The following ASCC3 variants were observed in gnomAD, a reference collection of about 807,000 sequenced individuals.
ASCC3 encodes ASC-1 complex subunit P200.
Under a neutral mutation model 256.3 loss-of-function variants are expected in ASCC3, and 158 were observed. That is an observed-to-expected ratio of 0.62 (90% confidence interval 0.54 to 0.70). The LOEUF (loss-of-function observed/expected upper bound fraction) is 0.70. Among genes scored for constraint, ASCC3 ranks in the 30% least tolerant of loss-of-function variants. ASCC3 has a pLI of 0.00. For synonymous variants in ASCC3, 948 were observed against 883.4 expected, an observed-to-expected ratio of 1.07 and a Z score of -1.30; for missense variants, 2,259 against 2,626.0, an observed-to-expected ratio of 0.86 and a Z score of 3.05.
intron 5 of ASCC3, among the ~76,000 whole-genome samples, chr6:100,803,703 C>A (rs535645958): frequency 1.3e-5 from 2 of 152,198 alleles, no homozygotes; most frequent in South Asian, 4.1e-4. Flanking sequence ...CTCAAAGGAA[C>A]TTTAAGGCTC....
chr6:100,726,041 G>T (rs1485366414), intron 10 of ASCC3, among the ~76,000 whole-genome samples: 4 of 149,522 alleles, frequency 2.7e-5, no homozygotes, highest in Non-Finnish European at 4.4e-5. Flanking sequence ...AGCATATACT[G>T]ATAATGGTCT....
At chr6:100,566,998 G>GTA (rs1770289187) in intron 36 of ASCC3, among the ~76,000 whole-genome samples, 1 of 151,878 alleles carries the variant, frequency 6.6e-6, no homozygotes, top group South Asian at 2.1e-4. Context: ...ATCTAACTCT[G>GTA]TATCTCAACA....
intron 33 of ASCC3, among the ~76,000 whole-genome samples, chr6:100,603,375 C>T (rs1490013533): frequency 6.6e-6 from 1 of 151,996 alleles, no homozygotes; most frequent in Non-Finnish European, 1.5e-5. Flanking sequence ...TTGAAAGTGT[C>T]CCAGAAGCCC....
At chr6:100,572,125 T>C (rs1324637385) in intron 36 of ASCC3, among the ~76,000 whole-genome samples, 1 of 152,130 alleles carries the variant, frequency 6.6e-6, no homozygotes, top group Non-Finnish European at 1.5e-5. Flanking sequence ...CCCCCATTAA[T>C]ATGTTAAACC....
chr6:100,615,835 T>C (rs567389195), intron 30 of ASCC3, among the ~76,000 whole-genome samples: 2 of 152,342 alleles, frequency 1.3e-5, no homozygotes, highest in Non-Finnish European at 1.5e-5. Flanking sequence ...AGCAAATCTG[T>C]AGATAATGTC....
At chr6:100,874,336 C>T (rs1016082252) in intron 1 of ASCC3, among the ~76,000 whole-genome samples, 3 of 151,786 alleles carry the variant, frequency 2.0e-5, no homozygotes, top group South Asian at 4.2e-4. Flanking sequence ...CGTGGTGGTG[C>T]GCACCTGTAG....
intron 13 of ASCC3, among the ~76,000 whole-genome samples, chr6:100,709,730 T>C (rs2115012189): frequency 6.6e-6 from 1 of 152,264 alleles, no homozygotes; most frequent in African/African-American, 2.4e-5. Flanking sequence ...TATAATTTAG[T>C]AATGCAGTAT....
intron 2 of ASCC3, among the ~76,000 whole-genome samples, chr6:100,866,124 C>A (rs979999860): frequency 1.4e-4 from 21 of 152,036 alleles, no homozygotes; most frequent in Non-Finnish European, 2.9e-5. Context: ...CGCCCACCAC[C>A]ATGCGTGGCT....
At chr6:100,839,972 C>T (rs1207923770) in intron 4 of ASCC3, among the ~76,000 whole-genome samples, 2 of 152,190 alleles carry the variant, frequency 1.3e-5, no homozygotes, top group African/African-American at 2.4e-5. Flanking sequence ...AGATAAATTA[C>T]TTCAACTATG....
At chr6:100,687,034 T>TCTCTCTCACA (rs1459889611) in intron 13 of ASCC3, among the ~76,000 whole-genome samples, 1 of 130,564 alleles carries the variant, frequency 7.7e-6, no homozygotes, top group African/African-American at 2.9e-5. Context: ...TCTCTCTCTC[T>TCTCTCTCACA]CACACACACA....
At chr6:100,812,312 A>G (rs1159938494) in intron 4 of ASCC3, among the ~76,000 whole-genome samples, 1 of 152,168 alleles carries the variant, frequency 6.6e-6, no homozygotes, top group Non-Finnish European at 1.5e-5. Context: ...TACTAGAGGG[A>G]AAAAAGCAAG....
chr6:100,864,525 T>C (rs1302902428), intron 2 of ASCC3, among the ~76,000 whole-genome samples: 4 of 152,216 alleles, frequency 2.6e-5, no homozygotes, highest in Admixed American at 2.0e-4. Context: ...ATATTATTAT[T>C]GTTACTGATA....
chr6:100,834,039 C>T lies in ASCC3; in HGVS notation c.801+14109G>A, dbSNP rs1315828019. 3.3e-5 allele frequency among the ~76,000 whole-genome samples: 5 copies of T among 152,278 alleles called. No homozygotes were observed. The East Asian group carries it at 9.7e-4, about 29-fold the overall frequency. ...CGAGACAGCACCACTACACCCCAGC[C>T]TGGGTGACAGTGTGAGTGAGTGTGG... On this transcript the variant is annotated intron_variant, in intron 4 of 41. Transcript: ENST00000369162.
intron 8 of ASCC3, among the ~76,000 whole-genome samples, chr6:100,774,609 C>T (rs1782100635): frequency 2.0e-5 from 3 of 152,112 alleles, no homozygotes; most frequent in Non-Finnish European, 4.4e-5. Flanking sequence ...TCGTGATCCA[C>T]CCAGCTTGGC....
intron 36 of ASCC3, among the ~76,000 whole-genome samples, chr6:100,587,300 T>TA (rs78769945): frequency 0.012 from 1,588 of 137,928 alleles, 20 homozygotes; most frequent in African/African-American, 0.03. Flanking sequence ...CTTTTCATGG[T>TA]AAAAAAAAAA....
intron 30 of ASCC3, among the ~76,000 whole-genome samples, chr6:100,609,524 T>C (rs1198259214): frequency 1.3e-5 from 2 of 150,968 alleles, no homozygotes; most frequent in Non-Finnish European, 3.0e-5. Flanking sequence ...TCACTTTCCA[T>C]TCAACATGGA....
At chr6:100,753,629 T>G (rs866234701) in intron 10 of ASCC3, among the ~76,000 whole-genome samples, 1 of 152,176 alleles carries the variant, frequency 6.6e-6, no homozygotes, top group Middle Eastern at 3.4e-3. Flanking sequence ...CCTCCTGCCT[T>G]AGCCACTCGA....
At chr6:100,818,375 T>C (rs1268707797) in intron 4 of ASCC3, among the ~76,000 whole-genome samples, 5 of 151,964 alleles carry the variant, frequency 3.3e-5, no homozygotes, top group Non-Finnish European at 7.4e-5. Context: ...GAGACCAGCC[T>C]GGCCAAGATG....
chr6:100,568,546 C>A (rs541887741), intron 36 of ASCC3, among the ~76,000 whole-genome samples: 1 of 151,468 alleles, frequency 6.6e-6, no homozygotes, highest in Non-Finnish European at 1.5e-5. Flanking sequence ...AGAGTTATTT[C>A]GTTTTTTTTG....
Sources: allele counts gnomAD v4.1 joint callset (sites outside exome capture counted in the v4.1 genomes callset), GRCh38; gene constraint gnomAD v4.1.1; transcripts MANE v1.5; gene names NCBI Gene and HGNC (gene_info 2026-07-23, HGNC 2026-07-21).